The following TTC29 variants were observed in gnomAD, a reference collection of about 807,000 sequenced individuals.
The protein encoded by TTC29 is tetratricopeptide repeat protein 29.
TTC29 carries 49 observed loss-of-function variants against 58.1 expected under a neutral mutation model. The observed-to-expected ratio is 0.84, with a 90% confidence interval of 0.67 to 1.07. TTC29 has a LOEUF of 1.07. Ranked by LOEUF, TTC29 falls within the 50% of genes least tolerant of loss-of-function variation. The pLI is 0.00. For missense variants in TTC29, 582 were observed against 555.6 expected, an observed-to-expected ratio of 1.05 and a Z score of -0.48; for synonymous variants, 209 against 196.8, an observed-to-expected ratio of 1.06 and a Z score of -0.52.
rs1383507751 is a variant in TTC29 at position 146,820,131 on chromosome 4, A to C, written c.1095T>G (p.Asn365Lys). Residue 365 changes from asparagine (N) to lysine (K), a missense_variant, in exon 10 of 13, where the codon AAT becomes AAG. Transcript: ENST00000325106. ...AAGAAACACATAGACTCACTTTTTC[A>C]TTGTAGATGTCCCCAAGCATTGTAC... ...RASTMLGDIY[N>K]EKGYYNKASE... is the part of the protein sequence containing the mutation. 1.9e-6 allele frequency: 3 copies of C among 1,612,450 alleles called. No homozygotes were observed. Among genetic ancestry groups the C allele is most frequent in the East Asian group, 2.2e-5 (1 of 44,864 alleles).
At chr4:146,754,110 TTAAA>T (rs1374001932) in intron 11 of TTC29, among the ~76,000 whole-genome samples, 8 of 151,306 alleles carry the variant, frequency 5.3e-5, no homozygotes, top group African/African-American at 1.5e-4. Flanking sequence ...AATCTGTTTG[TTAAA>T]TAAACTACCA....
intron 8 of TTC29, among the ~76,000 whole-genome samples, chr4:146,851,880 C>T (rs918498658): frequency 2.0e-5 from 3 of 152,198 alleles, no homozygotes; most frequent in South Asian, 2.1e-4. Flanking sequence ...GAATTCCTGA[C>T]ATCTTTTTCT....
intron 8 of TTC29, among the ~76,000 whole-genome samples, chr4:146,856,799 T>C (rs1171220683): frequency 6.6e-6 from 1 of 151,448 alleles, no homozygotes; most frequent in African/African-American, 2.4e-5. Flanking sequence ...AAAAATTCAA[T>C]TTACTAAGAT....
intron 8 of TTC29, among the ~76,000 whole-genome samples, chr4:146,843,504 G>A (rs1398423400): frequency 1.3e-5 from 2 of 152,090 alleles, no homozygotes; most frequent in Non-Finnish European, 2.9e-5. Context: ...CACCTGAAGT[G>A]GAGGCTGTAT....
chr4:146,863,474 T>A (rs1168057492), intron 8 of TTC29, among the ~76,000 whole-genome samples: 1 of 152,160 alleles, frequency 6.6e-6, no homozygotes, highest in African/African-American at 2.4e-5. Context: ...TGTATTATGT[T>A]CTCCAGAGAA....
chr4:146,771,622 G>A (rs1237276728), intron 11 of TTC29, among the ~76,000 whole-genome samples: 1 of 151,934 alleles, frequency 6.6e-6, no homozygotes, highest in Non-Finnish European at 1.5e-5. Flanking sequence ...AGTATTTCAT[G>A]GTGTATACAT....
At chr4:146,751,698 A>G (rs1284207174) in intron 11 of TTC29, among the ~76,000 whole-genome samples, 1 of 152,168 alleles carries the variant, frequency 6.6e-6, no homozygotes, top group African/African-American at 2.4e-5. Context: ...ATACACCAAA[A>G]ACCGTTCTAA....
intron 11 of TTC29, among the ~76,000 whole-genome samples, chr4:146,719,936 G>T (rs561808381): frequency 6.6e-5 from 10 of 152,082 alleles, no homozygotes; most frequent in Non-Finnish European, 1.2e-4. Context: ...AGTGAAACTT[G>T]GTAGCTAAAG....
intron 4 of TTC29, among the ~76,000 whole-genome samples, chr4:146,919,352 A>G (rs1471086406): frequency 6.6e-6 from 1 of 151,146 alleles, no homozygotes. Context: ...TAGCTTTTAA[A>G]TTGAGTTATA....
intron 11 of TTC29, among the ~76,000 whole-genome samples, chr4:146,734,734 G>C (rs572589230): frequency 6.6e-6 from 1 of 152,232 alleles, no homozygotes; most frequent in Middle Eastern, 3.4e-3. Context: ...GATTGCTGTG[G>C]TGTGAAAGTA....
At chr4:146,895,140 G>T (rs751611637) in intron 6 of TTC29, among the ~76,000 whole-genome samples, 1 of 152,158 alleles carries the variant, frequency 6.6e-6, no homozygotes, top group Non-Finnish European at 1.5e-5. Flanking sequence ...CTATGTCCCT[G>T]CAAGGGACAT....
intron 6 of TTC29, among the ~76,000 whole-genome samples, chr4:146,888,107 A>G (rs765942881): frequency 4.6e-5 from 7 of 152,178 alleles, no homozygotes; most frequent in Admixed American, 6.6e-5. Flanking sequence ...GAGGACAAAG[A>G]TATGAAACTC....
chr4:146,724,775 A>C (rs996352759), intron 11 of TTC29, among the ~76,000 whole-genome samples: 1 of 152,140 alleles, frequency 6.6e-6, no homozygotes, highest in African/African-American at 2.4e-5. Flanking sequence ...CGGCCTCCCA[A>C]AGTGCTGGGA....
At chr4:146,757,256 C>T (rs1746523892) in intron 11 of TTC29, among the ~76,000 whole-genome samples, 1 of 151,654 alleles carries the variant, frequency 6.6e-6, no homozygotes, top group Non-Finnish European at 1.5e-5. Context: ...TCCCCCTTTT[C>T]CTACGGATGT....
chr4:146,801,421 G>GT (rs1292372364), intron 11 of TTC29, among the ~76,000 whole-genome samples: 1 of 152,104 alleles, frequency 6.6e-6, no homozygotes, highest in Non-Finnish European at 1.5e-5. Flanking sequence ...TTATTTTTCA[G>GT]TTTTATAATA....
intron 11 of TTC29, among the ~76,000 whole-genome samples, chr4:146,743,920 T>G (rs1745348306): frequency 6.6e-6 from 1 of 152,190 alleles, no homozygotes; most frequent in South Asian, 2.1e-4. Flanking sequence ...AATAGAGCAA[T>G]TGATCAAAGG....
At chr4:146,736,629 CT>C (rs1255218373) in intron 11 of TTC29, among the ~76,000 whole-genome samples, 11 of 152,102 alleles carry the variant, frequency 7.2e-5, no homozygotes, top group African/African-American at 2.2e-4. Flanking sequence ...TACTGAGACT[CT>C]GAACTAGAGA....
At chr4:146,753,390 C>T (rs1399225708) in intron 11 of TTC29, among the ~76,000 whole-genome samples, 6 of 152,040 alleles carry the variant, frequency 3.9e-5, no homozygotes, top group East Asian at 1.9e-4. Context: ...ATCATTAAAA[C>T]GTCAGGAAAC....
intron 6 of TTC29, among the ~76,000 whole-genome samples, chr4:146,884,748 T>G (rs1347888325): frequency 6.6e-6 from 1 of 152,054 alleles, no homozygotes; most frequent in Admixed American, 6.6e-5. Context: ...AACACCCAGA[T>G]AGAGAAACCT....
Sources: gnomAD v4.1 joint callset for allele counts (sites outside exome capture counted in the v4.1 genomes callset) on GRCh38, gnomAD v4.1.1 for gene constraint, MANE v1.5 for transcripts, NCBI Gene and HGNC (gene_info 2026-07-23, HGNC 2026-07-21) for gene names.